Variants in LAMC3 observed in about 807,000 individuals in gnomAD.
The protein encoded by LAMC3 is laminin subunit gamma-3.
Under a neutral mutation model 173.8 loss-of-function variants are expected in LAMC3, and 128 were observed. The ratio of observed to expected loss-of-function variants is 0.74; its 90% confidence interval spans 0.64 to 0.85. LAMC3 has a LOEUF of 0.85. Ranked by LOEUF, LAMC3 falls within the 40% of genes least tolerant of loss-of-function variation. The probability of loss-of-function intolerance (pLI) is 0.00; values close to 1 mark genes in which losing one functional copy is unlikely to be tolerated. For synonymous variants in LAMC3, 897 were observed against 909.1 expected (o/e 0.99, Z 0.24); for missense variants, 2,022 against 2,156.0 (o/e 0.94, Z 1.23).
At chr9:131,078,754 T>C (rs975831640) in intron 22 of LAMC3, among the ~76,000 whole-genome samples, 4 of 152,190 alleles carry the variant, frequency 2.6e-5, no homozygotes, top group African/African-American at 9.6e-5. Flanking sequence ...CAGATCTCAG[T>C]TCAGGGCTGT....
chr9:131,073,347 A>AC (rs1830069467), intron 20 of LAMC3, 26 bp downstream of exon 20: 1 of 1,574,684 alleles, frequency 6.4e-7, no homozygotes, highest in Non-Finnish European at 8.7e-7. Context: ...TGGTGAGCTT[A>AC]CACCTGGCCC....
intron 27 of LAMC3, among the ~76,000 whole-genome samples, chr9:131,088,275 C>T (rs929613821): frequency 2.0e-5 from 3 of 152,124 alleles, no homozygotes; most frequent in Admixed American, 1.3e-4. Context: ...GCCATTAGAC[C>T]TCGGGCAAGC....
rs573332037 is a variant in LAMC3 at position 131,058,150 on chromosome 9, G to A, written c.2158+1003G>A. Among the ~76,000 whole-genome samples, 14 of 152,042 alleles carry A rather than the reference G, an allele frequency of 9.2e-5. No individual in the cohort carries two copies. In the East Asian group the frequency reaches 9.7e-4, roughly 11 times the overall value. On this transcript the variant is annotated intron_variant, in intron 12 of 27. Transcript: ENST00000361069. ...TTTTTGTGGGGGGTGACAGAGTCTC[G>A]CTCTGTTGCCTATGCTGGAGTGCAG...
At chr9:131,047,165 C>CTTTTTTTTTTT (rs398012456) in intron 8 of LAMC3, among the ~76,000 whole-genome samples, 1,287 of 102,068 alleles carry the variant, frequency 0.013, 122 homozygotes, top group African/African-American at 0.042. Flanking sequence ...CTGAATTCCT[C>CTTTTTTTTTTT]TTTTTTTTTT....
chr9:131,069,723 G>A lies in LAMC3; in HGVS notation c.2942G>A (p.Gly981Asp), dbSNP rs1830007422. ...GCCTCGGCCCAGTGCCACGAGAACG[G>A]CACATGCGTGTGCAGGCCTGGCTTC... ...GAASAQCHEN[G>D]TCVCRPGFEG... The change falls in exon 17 of 28, where the codon GGC becomes GAC. Residue 981 changes from glycine (G) to aspartate (D), a missense_variant. Physicochemically the swap from Gly to Asp is moderately conservative, Grantham distance 94 (BLOSUM62 -1). Coordinates refer to ENST00000361069, the MANE Select transcript of LAMC3 (RefSeq NM_006059.4). 2 of 1,603,184 alleles carry A rather than the reference G, an allele frequency of 1.2e-6. No individual in the cohort carries two copies. Among genetic ancestry groups the A allele is most frequent in the Non-Finnish European group, 1.7e-6 (2 of 1,175,850 alleles).
intron 20 of LAMC3, among the ~76,000 whole-genome samples, chr9:131,074,957 T>C (rs1410758340): frequency 6.6e-6 from 1 of 151,730 alleles, no homozygotes; most frequent in Non-Finnish European, 1.5e-5. Context: ...CTGAGATGCT[T>C]TCACGTGTGA....
At chr9:131,065,039 TAAA>T (rs754104539) in intron 13 of LAMC3, among the ~76,000 whole-genome samples, 2 of 27,430 alleles carry the variant, frequency 7.3e-5, no homozygotes, top group African/African-American at 1.4e-4. Context: ...AGACTCCATC[TAAA>T]AAAAAAAAAA....
intron 20 of LAMC3, among the ~76,000 whole-genome samples, chr9:131,073,944 C>CTTTTTTTTTTTTTTTTTTT (rs57877574): frequency 1.9e-4 from 17 of 90,806 alleles, no homozygotes; most frequent in Non-Finnish European, 3.2e-4. Context: ...CTTTTCTTTT[C>CTTTTTTTTTTTTTTTTTTT]TTTTTTTTTT....
At chr9:131,059,862 C>T (rs2133296756) in intron 12 of LAMC3, among the ~76,000 whole-genome samples, 1 of 152,336 alleles carries the variant, frequency 6.6e-6, no homozygotes, top group East Asian at 1.9e-4. Context: ...GGACAGTTCC[C>T]CCTGGATGCC....
At chr9:131,086,575 C>CTT (rs778812487) in intron 25 of LAMC3, among the ~76,000 whole-genome samples, 3 of 92,478 alleles carry the variant, frequency 3.2e-5, no homozygotes, top group Non-Finnish European at 6.1e-5. Context: ...GCCTGGCTAA[C>CTT]TTTTTTTTTT....
intron 2 of LAMC3, among the ~76,000 whole-genome samples, chr9:131,028,480 CA>C (rs1833768247): frequency 6.6e-6 from 1 of 152,156 alleles, no homozygotes; most frequent in Non-Finnish European, 1.5e-5. Context: ...CACTGACACC[CA>C]AAAAGAAGTT....
intron 4 of LAMC3, among the ~76,000 whole-genome samples, chr9:131,038,032 C>T (rs1382320302): frequency 6.6e-6 from 1 of 152,206 alleles, no homozygotes; most frequent in Non-Finnish European, 1.5e-5. Context: ...CACACCCGCA[C>T]CAGGCCACGC....
intron 27 of LAMC3, 127 bp downstream of exon 27, chr9:131,087,944 A>C (rs1830360592): frequency 1.3e-6 from 1 of 773,570 alleles, no homozygotes; most frequent in African/African-American, 1.7e-5. Flanking sequence ...CCGCATCCCC[A>C]TCTTTGTGGT....
chr9:131,062,644 G>A (rs1007944991), intron 13 of LAMC3, among the ~76,000 whole-genome samples: 16 of 152,068 alleles, frequency 1.1e-4, no homozygotes, highest in African/African-American at 3.9e-4. Context: ...TGAGGCGGGC[G>A]GATCACCTGC....
chr9:131,074,997 C>T (rs1262450440), intron 20 of LAMC3, among the ~76,000 whole-genome samples: 2 of 152,214 alleles, frequency 1.3e-5, no homozygotes, highest in Middle Eastern at 3.4e-3. Flanking sequence ...GGCACAGTGG[C>T]TCACACCTGT....
At chr9:131,014,850 G>A (rs748867317) in intron 1 of LAMC3, among the ~76,000 whole-genome samples, 1 of 152,160 alleles carries the variant, frequency 6.6e-6, no homozygotes, top group Admixed American at 6.5e-5. Context: ...GGGCGCGGGG[G>A]CAAGTGCCTG....
intron 13 of LAMC3, among the ~76,000 whole-genome samples, chr9:131,064,613 G>A (rs1455473117): frequency 4.0e-5 from 6 of 150,530 alleles, no homozygotes; most frequent in Non-Finnish European, 7.4e-5. Context: ...GCAGTGAGCC[G>A]AGATCGCGCC....
rs1420488012 is a variant in LAMC3, at chr9:131,060,346, AAAT to A, written c.2159-683_2159-681del. Among the ~76,000 whole-genome samples, 6 of 152,252 alleles carry A rather than the reference AAAT, an allele frequency of 3.9e-5. 1 individual carries two copies. The highest frequency in any genetic ancestry group is 4.2e-4 in the South Asian group (2 of 4,812). On this transcript the variant is annotated intron_variant, in intron 12 of 27. Coordinates refer to ENST00000361069, the MANE Select transcript of LAMC3 (RefSeq NM_006059.4). ...GTTCAGAGAGAGGTTTCGGAATACAAAATAATAACAGTGCTGGCCGGGCACGGT... is the reference window on the plus strand; with the variant it reads ...GTTCAGAGAGAGGTTTCGGAATACAAAATAACAGTGCTGGCCGGGCACGGT...
At chr9:131,024,006 GA>G (rs1833676263) in intron 1 of LAMC3, among the ~76,000 whole-genome samples, 1 of 152,086 alleles carries the variant, frequency 6.6e-6, no homozygotes, top group South Asian at 2.1e-4. Flanking sequence ...TTGAAGGACA[GA>G]AGTTTTGGTT....
Sources: allele counts gnomAD v4.1 joint callset (sites outside exome capture counted in the v4.1 genomes callset), GRCh38; gene constraint gnomAD v4.1.1; transcripts MANE v1.5; gene names NCBI Gene and HGNC (gene_info 2026-07-23, HGNC 2026-07-21).